PVT1: variants seen among roughly 807,000 people sequenced by gnomAD.
PVT1 encodes Pvt1 oncogene.
At chr8:127,841,487 T>C (rs949936718) in intron 2 of PVT1, among the ~76,000 whole-genome samples, 3 of 152,152 alleles carry the variant, frequency 2.0e-5, no homozygotes, top group African/African-American at 7.2e-5. Context: ...TTGGCCAGTC[T>C]GGTCTTGAAC....
chr8:127,843,347 A>T (rs182447078), intron 2 of PVT1, among the ~76,000 whole-genome samples: 116 of 152,306 alleles, frequency 7.6e-4, no homozygotes, highest in African/African-American at 2.7e-3. Context: ...TCTGTCTCAA[A>T]AAACAAACAA....
intron 5 of PVT1, among the ~76,000 whole-genome samples, chr8:128,081,344 C>T (rs1338622905): frequency 6.6e-6 from 1 of 152,198 alleles, no homozygotes; most frequent in Non-Finnish European, 1.5e-5. Context: ...AATAAAGGTG[C>T]TACAGACATT....
At chr8:127,943,983 A>G (rs545237919) in intron 3 of PVT1, among the ~76,000 whole-genome samples, 31 of 152,368 alleles carry the variant, frequency 2.0e-4, no homozygotes, top group African/African-American at 7.0e-4. Context: ...GAGGCAAGAT[A>G]GTCTAGTGCT....
intron 2 of PVT1, among the ~76,000 whole-genome samples, chr8:127,855,701 C>T (rs1238067482): frequency 1.3e-5 from 2 of 152,222 alleles, no homozygotes; most frequent in South Asian, 4.1e-4. Context: ...CCCCCACCAG[C>T]GAGGTTGCTC....
intron 3 of PVT1, among the ~76,000 whole-genome samples, chr8:127,944,206 A>C (rs73359224): frequency 6.6e-6 from 1 of 152,126 alleles, no homozygotes; most frequent in Non-Finnish European, 1.5e-5. Flanking sequence ...TCCTGCTTCA[A>C]CATCCCAAAG....
At chr8:127,944,763 T>TG (rs577506765) in intron 3 of PVT1, among the ~76,000 whole-genome samples, 5 of 152,164 alleles carry the variant, frequency 3.3e-5, no homozygotes, top group African/African-American at 1.2e-4. Context: ...CCCTTTGAAG[T>TG]GGTTTTAAGA....
chr8:127,798,888 C>T (rs1396548407), intron 2 of PVT1, among the ~76,000 whole-genome samples: 6 of 151,764 alleles, frequency 4.0e-5, no homozygotes, highest in African/African-American at 9.7e-5. Context: ...AACAAACAAC[C>T]GCCTCGGTCT....
intron 4 of PVT1, among the ~76,000 whole-genome samples, chr8:128,026,868 C>G (rs993980695): frequency 2.6e-5 from 4 of 152,132 alleles, no homozygotes; most frequent in African/African-American, 9.7e-5. Flanking sequence ...GGAACGTGAC[C>G]GGCCTCATTC....
chr8:127,919,787 C>T (rs1379558172), intron 3 of PVT1, among the ~76,000 whole-genome samples: 3 of 152,206 alleles, frequency 2.0e-5, no homozygotes, highest in African/African-American at 7.2e-5. Flanking sequence ...GGAAGGAAAG[C>T]CTCCAAGCCC....
Position 127,997,294 on chromosome 8 carries a change from G to A in PVT1, n.912+8003G>A, listed in dbSNP as rs1421960628. Among the ~76,000 whole-genome samples, 5 of 152,004 alleles carry A rather than the reference G, an allele frequency of 3.3e-5. No individual in the cohort carries two copies. In the East Asian group the frequency reaches 9.6e-4, roughly 29 times the overall value. ...GACCTCAGGTGATCCGTCTGCCTCAGCCTCCCAAAGTGCTGGGATTACAGG... is the reference window on the plus strand; with the variant it reads ...GACCTCAGGTGATCCGTCTGCCTCAACCTCCCAAAGTGCTGGGATTACAGG... On this transcript the variant is annotated intron_variant and non_coding_transcript_variant, in intron 4 of 10. Coordinates refer to ENST00000651587, the Ensembl canonical transcript of PVT1.
At chr8:127,987,765 CT>C (rs1314421854) in intron 3 of PVT1, among the ~76,000 whole-genome samples, 41 of 152,240 alleles carry the variant, frequency 2.7e-4, no homozygotes, top group Admixed American at 3.3e-4. Flanking sequence ...GGCTGTGCCT[CT>C]GCCCTTTTTG....
At chr8:127,986,032 T>G (rs926794437) in intron 3 of PVT1, among the ~76,000 whole-genome samples, 1 of 152,166 alleles carries the variant, frequency 6.6e-6, no homozygotes, top group African/African-American at 2.4e-5. Context: ...AGTCAATGTG[T>G]GTTATACCCT....
rs543832414 is a variant in PVT1 at position 128,035,356 on chromosome 8, C to G, written n.913-34804C>G. Among the ~76,000 whole-genome samples, 7 of 152,316 alleles carry G rather than the reference C, an allele frequency of 4.6e-5. No individual in the cohort carries two copies. The South Asian group carries it at 1.2e-3, about 27-fold the overall frequency. On this transcript the variant is annotated intron_variant and non_coding_transcript_variant, in intron 4 of 10. Transcript: ENST00000651587. The stretch of plus-strand genomic sequence containing the variant: ...ATGAGGTGCTGACTCCTTGCAATTT[C>G]TAAGGGTTCCCAGTACATATGTATA...
chr8:127,883,865 G>A (rs989223000), intron 2 of PVT1, among the ~76,000 whole-genome samples: 2 of 152,182 alleles, frequency 1.3e-5, no homozygotes, highest in Non-Finnish European at 2.9e-5. Flanking sequence ...AGGGTCAGCT[G>A]TGAGGCAGTG....
At position 127,948,146 on chromosome 8, in the gene PVT1, T is replaced by A. The variant is rs1180448785; in HGVS notation, n.783-41016T>A. The A allele has an allele frequency of 1.1e-5, 4 of 365,830 alleles. No individual in the cohort carries two copies. In the East Asian group the frequency reaches 2.9e-4, roughly 26 times the overall value. 22.7% of individuals were successfully genotyped at this position (365,830 alleles called of 1,614,324 possible). A position where few individuals can be genotyped will look rare whatever the true frequency, so the allele number is the denominator to read the frequency against. On this transcript the variant is annotated intron_variant and non_coding_transcript_variant, in intron 3 of 10. Coordinates refer to ENST00000651587, the Ensembl canonical transcript of PVT1. ...GTAAGTTCCAGAGTGACTTCCCGTC[T>A]GTTTTATTATCCCTGACAAAGGGAT... is the stretch of plus-strand genomic sequence containing the variant.
chr8:128,085,276 C>T (rs955152657), intron 5 of PVT1, among the ~76,000 whole-genome samples: 2 of 152,136 alleles, frequency 1.3e-5, no homozygotes, highest in Non-Finnish European at 2.9e-5. Context: ...CAAAAGTCCG[C>T]GGCCCGGCTG....
intron 2 of PVT1, among the ~76,000 whole-genome samples, chr8:127,848,144 G>T (rs1406270023): frequency 6.6e-6 from 1 of 152,164 alleles, no homozygotes; most frequent in Admixed American, 6.5e-5. Flanking sequence ...TTAGGCTGGG[G>T]TTATGCATTT....
intron 2 of PVT1, among the ~76,000 whole-genome samples, chr8:127,875,499 C>T (rs1815395919): frequency 6.6e-6 from 1 of 152,174 alleles, no homozygotes; most frequent in African/African-American, 2.4e-5. Context: ...TAGTAAAGGA[C>T]TGAAGGATTT....
intron 3 of PVT1, among the ~76,000 whole-genome samples, chr8:127,911,981 T>C (rs944114230): frequency 3.9e-5 from 6 of 152,032 alleles, no homozygotes; most frequent in African/African-American, 1.5e-4. Context: ...TGTGGGGAAG[T>C]TGGTGGATGG....
Sources: gnomAD v4.1 joint callset for allele counts (sites outside exome capture counted in the v4.1 genomes callset) on GRCh38, gnomAD v4.1.1 for gene constraint, MANE v1.5 for transcripts, NCBI Gene and HGNC (gene_info 2026-07-23, HGNC 2026-07-21) for gene names.